Variants in JAM3 observed in about 807,000 individuals in gnomAD.
JAM3 encodes the protein junctional adhesion molecule 3.
A neutral mutation model predicts 39.4 loss-of-function variants in JAM3; 31 were observed. The ratio of observed to expected loss-of-function variants is 0.79; its 90% confidence interval spans 0.59 to 1.06. JAM3 has a LOEUF of 1.06. Ranked by LOEUF, JAM3 falls within the 50% of genes least tolerant of loss-of-function variation. The probability of loss-of-function intolerance (pLI) is 0.00; values close to 1 mark genes in which losing one functional copy is unlikely to be tolerated. For synonymous variants in JAM3, 182 were observed against 148.7 expected (o/e 1.22, Z -1.63); for missense variants, 455 against 391.4 (o/e 1.16, Z -1.37).
At chr11:134,108,902 A>G (rs1942255127) in intron 1 of JAM3, among the ~76,000 whole-genome samples, 1 of 152,172 alleles carries the variant, frequency 6.6e-6, no homozygotes, top group Non-Finnish European at 1.5e-5. Flanking sequence ...ATCCATGAAA[A>G]AGTTATAGGT....
At chr11:134,139,669 G>A (rs1032026086) in intron 1 of JAM3, 182 bp from the exon 2 acceptor site, 2 of 631,652 alleles carry the variant, frequency 3.2e-6, no homozygotes, top group Non-Finnish European at 5.7e-6. Context: ...TCCAGTGAAG[G>A]TCAGATTTGA....
intron 1 of JAM3, among the ~76,000 whole-genome samples, chr11:134,119,336 G>A (rs532959539): frequency 2.6e-5 from 4 of 152,186 alleles, no homozygotes; most frequent in Non-Finnish European, 4.4e-5. Context: ...GCTTAACCCT[G>A]GGGTGTTACA....
intron 1 of JAM3, among the ~76,000 whole-genome samples, chr11:134,137,163 A>T (rs1942881978): frequency 6.6e-6 from 1 of 152,032 alleles, no homozygotes; most frequent in South Asian, 2.1e-4. Context: ...TCTTTGCCAT[A>T]ATGCAGAGGG....
intron 1 of JAM3, among the ~76,000 whole-genome samples, chr11:134,136,986 G>C (rs1174738153): frequency 6.6e-6 from 1 of 151,994 alleles, no homozygotes; most frequent in Non-Finnish European, 1.5e-5. Flanking sequence ...GGTGGTGGGC[G>C]CCTGTAGTCC....
At chr11:134,135,274 C>T (rs939212167) in intron 1 of JAM3, among the ~76,000 whole-genome samples, 9 of 152,162 alleles carry the variant, frequency 5.9e-5, no homozygotes, top group Admixed American at 4.6e-4. Flanking sequence ...GAAAGGTTGT[C>T]CTTTCTCCAT....
intron 1 of JAM3, among the ~76,000 whole-genome samples, chr11:134,108,309 A>C (rs1353741319): frequency 1.3e-5 from 2 of 152,038 alleles, no homozygotes; most frequent in Middle Eastern, 3.2e-3. Context: ...AAAACTGCCC[A>C]CAAAGAAAAC....
chr11:134,146,067 G>C lies in JAM3; in HGVS notation c.712+22G>C, dbSNP rs751888935. 2.0e-6 allele frequency: 3 copies of C among 1,477,402 alleles called. No individual in the cohort carries two copies. The South Asian group carries it at 3.4e-5, about 17-fold the overall frequency. The allele number at this position is 1,477,402 out of a possible 1,614,324, so 91.5% of individuals were successfully genotyped here. On this transcript the variant is annotated intron_variant, in intron 6 of 8. Transcript: ENST00000299106. ...GTCTGTGAGTTTCTTTTTTGAAGAG[G>C]TTTCATCGCAAGACTGGGAAGTGAA...
intron 1 of JAM3, among the ~76,000 whole-genome samples, chr11:134,127,718 A>T (rs1434326990): frequency 6.6e-6 from 1 of 152,208 alleles, no homozygotes; most frequent in African/African-American, 2.4e-5. Context: ...ATAAAACTTG[A>T]TGCCTTTGAA....
At chr11:134,140,024 T>C in intron 2 of JAM3, 108 bp downstream of exon 2, 1 of 906,652 alleles carries the variant, frequency 1.1e-6, no homozygotes. Context: ...CAGGGAGATG[T>C]TCCGGGTGGA....
At chr11:134,108,116 G>A (rs190654415) in intron 1 of JAM3, among the ~76,000 whole-genome samples, 14 of 152,022 alleles carry the variant, frequency 9.2e-5, no homozygotes, top group African/African-American at 3.1e-4. Flanking sequence ...AATAAGATAG[G>A]TGACTATAAA....
At position 134,128,541 on chromosome 11, in the gene JAM3, T is replaced by A. The variant is rs779428082; in HGVS notation, c.77-11310T>A. Among the ~76,000 whole-genome samples the A allele has an allele frequency of 3.3e-5, 5 of 152,192 alleles. No homozygotes were observed. The South Asian group carries it at 1.0e-3, about 32-fold the overall frequency. On this transcript the variant is annotated intron_variant, in intron 1 of 8. Coordinates refer to ENST00000299106, the MANE Select transcript of JAM3 (RefSeq NM_032801.5). ...GACGTGATTGGATTATGGAGTTGGC[T>A]TCCCCCCATGCTGTTCTCATGATTG...
At chr11:134,090,699 A>G (rs1941832504) in intron 1 of JAM3, among the ~76,000 whole-genome samples, 1 of 152,158 alleles carries the variant, frequency 6.6e-6, no homozygotes, top group South Asian at 2.1e-4. Flanking sequence ...CTTTTCTCGG[A>G]CAGCCATGTA....
chr11:134,131,369 C>T lies in JAM3; in HGVS notation c.77-8482C>T, dbSNP rs372858566. 4.6e-5 allele frequency among the ~76,000 whole-genome samples: 7 copies of T among 152,034 alleles called. No homozygotes were observed. The South Asian group carries it at 8.3e-4, about 18-fold the overall frequency. On this transcript the variant is annotated intron_variant, in intron 1 of 8. Transcript: ENST00000299106. The stretch of plus-strand genomic sequence containing the variant: ...GTGACCAAACTTGAAAAGGAATAGT[C>T]TTCTGAGTCTCAAATGGACTACTAC...
chr11:134,130,245 C>G (rs1942743341), intron 1 of JAM3, among the ~76,000 whole-genome samples: 1 of 152,120 alleles, frequency 6.6e-6, no homozygotes. Flanking sequence ...GCTCCGTTAT[C>G]AAAGAAACAT....
Position 134,105,207 on chromosome 11 carries a change from A to G in JAM3, c.77-34644A>G, listed in dbSNP as rs572865558. On this transcript the variant is annotated intron_variant, in intron 1 of 8. Transcript: ENST00000299106. ...TGTAAGGCTGGTTCAACATACGCAA[A>G]TCAATAAACATCATCCGGCATATAA... 1.6e-4 allele frequency among the ~76,000 whole-genome samples: 25 copies of G among 152,334 alleles called. No homozygotes were observed. In the East Asian group the frequency reaches 4.6e-3, roughly 28 times the overall value.
chr11:134,099,600 ATTTATTTG>A (rs1462188428), intron 1 of JAM3, among the ~76,000 whole-genome samples: 4 of 151,642 alleles, frequency 2.6e-5, no homozygotes, highest in South Asian at 4.2e-4. Flanking sequence ...GTATTTTTCT[ATTTATTTG>A]TTTATTTATT....
intron 1 of JAM3, among the ~76,000 whole-genome samples, chr11:134,133,140 T>C (rs1942799277): frequency 6.6e-6 from 1 of 152,236 alleles, no homozygotes; most frequent in South Asian, 2.1e-4. Context: ...ATGTTGGTTT[T>C]GTATCCTGCA....
rs978040135 is a variant in JAM3, at chr11:134,149,626, A to G, written c.*445A>G. 6.5e-6 allele frequency: 3 copies of G among 460,990 alleles called. No individual in the cohort carries two copies. The highest frequency in any genetic ancestry group is 6.0e-5 in the African/African-American group (3 of 50,338). The allele number at this position is 460,990 out of a possible 1,614,324, so 28.6% of individuals were successfully genotyped here. A position where few individuals can be genotyped will look rare whatever the true frequency, so the allele number is the denominator to read the frequency against. ...CAGCGCATCCCGGCGGGAACCCAGA[A>G]AAGGCTTCTTACACAGCAGCCTTAC... On this transcript the variant is annotated 3_prime_UTR_variant, in exon 9 of 9. Transcript: ENST00000299106.
chr11:134,125,187 C>T (rs1036793457), intron 1 of JAM3, among the ~76,000 whole-genome samples: 4 of 152,254 alleles, frequency 2.6e-5, no homozygotes, highest in African/African-American at 4.8e-5. Context: ...CCGCCACCGC[C>T]GCTGCACGGG....
Sources: gnomAD v4.1 joint callset for allele counts (sites outside exome capture counted in the v4.1 genomes callset) on GRCh38, gnomAD v4.1.1 for gene constraint, MANE v1.5 for transcripts, NCBI Gene and HGNC (gene_info 2026-07-23, HGNC 2026-07-21) for gene names.